GNG4: variants seen among roughly 807,000 people sequenced by gnomAD.
GNG4 encodes guanine nucleotide-binding protein G(I)/G(S)/G(O) subunit gamma-4.
In GNG4, 4 loss-of-function variants were observed where a neutral mutation model predicts 5.8. The ratio of observed to expected loss-of-function variants is 0.69; its 90% CI spans 0.34 to 1.57. GNG4 has a LOEUF of 1.57. Among genes scored for constraint, GNG4 ranks in the 40% most tolerant of loss-of-function variants. The pLI is 0.06. For missense variants in GNG4, 96 were observed against 95.1 expected (o/e 1.01, Z -0.04); for synonymous variants, 29 against 32.9 (o/e 0.88, Z 0.41).
intron 3 of GNG4, among the ~76,000 whole-genome samples, chr1:235,578,392 C>A (rs1687537256): frequency 6.6e-6 from 1 of 152,148 alleles, no homozygotes; most frequent in Non-Finnish European, 1.5e-5. Flanking sequence ...AAAAATAGAA[C>A]TACCATAGGA....
intron 3 of GNG4, among the ~76,000 whole-genome samples, chr1:235,573,514 A>G (rs1262253310): frequency 1.3e-5 from 2 of 152,102 alleles, no homozygotes; most frequent in Non-Finnish European, 2.9e-5. Context: ...GCGGTAGCTC[A>G]CACCTGTAAT....
intron 2 of GNG4, 24 bp from the exon 3 acceptor site, chr1:235,583,872 G>T (rs886357879): frequency 1.4e-6 from 2 of 1,460,798 alleles, no homozygotes; most frequent in South Asian, 1.2e-5. Context: ...AAGTAAAAGG[G>T]TTAGAAGAGC....
chr1:235,650,499 C>T (rs1279199901), upstream of GNG4: 1 of 152,348 alleles, frequency 6.6e-6, no homozygotes, highest in Non-Finnish European at 1.5e-5. Context: ...CCAAGGGACG[C>T]CTCGGAAGCC....
Position 235,552,010 on chromosome 1 carries a change from G to T in GNG4, c.*99C>A. On this transcript the variant is annotated 3_prime_UTR_variant, in exon 4 of 4. Coordinates refer to ENST00000391854, the MANE Select transcript of GNG4 (RefSeq NM_001098722.2). The stretch of plus-strand genomic sequence containing the variant: ...GCCCCGGCCACTGTTGGCTGGGCAG[G>T]GATGGGTGTTGGTCTCACTCCCTAA... 3 of 980,238 alleles carry T rather than the reference G, an allele frequency of 3.1e-6. No individual in the cohort carries two copies. The highest frequency in any genetic ancestry group is 3.2e-6 in the Non-Finnish European group (2 of 634,886). 60.7% of individuals were successfully genotyped at this position (980,238 alleles called of 1,614,324 possible). A position where few individuals can be genotyped will look rare whatever the true frequency, so the allele number is the denominator to read the frequency against.
At chr1:235,587,618 T>G (rs1558486378) in intron 2 of GNG4, among the ~76,000 whole-genome samples, 7 of 420 alleles carry the variant, frequency 0.017, no homozygotes, top group African/African-American at 0.029. Context: ...GGGTGGGGTG[T>G]GTGAATGTGG....
intron 1 of GNG4, among the ~76,000 whole-genome samples, chr1:235,620,515 G>A (rs2102975981): frequency 6.6e-6 from 1 of 151,976 alleles, no homozygotes; most frequent in South Asian, 2.1e-4. Flanking sequence ...TCTGGGTGTT[G>A]AATGTGCAGT....
intron 3 of GNG4, among the ~76,000 whole-genome samples, chr1:235,569,430 C>T (rs1239229845): frequency 6.8e-6 from 1 of 147,466 alleles, no homozygotes; most frequent in Non-Finnish European, 1.5e-5. Flanking sequence ...TGCACTCCAG[C>T]CTGGGTGACA....
intron 1 of GNG4, among the ~76,000 whole-genome samples, chr1:235,606,518 G>C (rs1483920418): frequency 6.6e-6 from 1 of 152,188 alleles, no homozygotes; most frequent in Admixed American, 6.5e-5. Context: ...GGATGCTGGG[G>C]AGGGGGGAAA....
chr1:235,627,710 G>A (rs1688844879), intron 1 of GNG4, among the ~76,000 whole-genome samples: 1 of 152,208 alleles, frequency 6.6e-6, no homozygotes, highest in Admixed American at 6.5e-5. Context: ...CCAGGACACT[G>A]TTGGAAACTG....
chr1:235,587,168 TGA>T (rs757325842), intron 2 of GNG4, among the ~76,000 whole-genome samples: 26 of 138,278 alleles, frequency 1.9e-4, no homozygotes, highest in African/African-American at 2.2e-4. Context: ...GGTGAGCGTG[TGA>T]GAGTGTGTGG....
rs889158072 is a variant in GNG4 at position 235,548,244 on chromosome 1, T to G, written c.*3865A>C. The G allele has an allele frequency of 3.3e-5, 5 of 152,174 alleles. No individual in the cohort carries two copies. The highest frequency in any genetic ancestry group is 4.8e-5 in the African/African-American group (2 of 41,416). The allele number at this position is 152,174 out of a possible 1,614,324, so 9.4% of individuals were successfully genotyped here. A position where few individuals can be genotyped will look rare whatever the true frequency, so the allele number is the denominator to read the frequency against. On this transcript the variant is annotated 3_prime_UTR_variant, in exon 4 of 4. Transcript: ENST00000391854. ...TTTACATCCAACTCAAGCTCTTTCA[T>G]GAAAGAAGAAAGAATGTACTGGATG... is the stretch of plus-strand genomic sequence containing the variant.
At chr1:235,631,226 A>AT (rs1688925656) in intron 1 of GNG4, among the ~76,000 whole-genome samples, 1 of 151,986 alleles carries the variant, frequency 6.6e-6, no homozygotes, top group South Asian at 2.1e-4. Flanking sequence ...CTGATCAAGT[A>AT]TTTTTTCTTT....
At chr1:235,600,352 T>C (rs1476462980) in intron 1 of GNG4, among the ~76,000 whole-genome samples, 1 of 151,948 alleles carries the variant, frequency 6.6e-6, no homozygotes, top group Non-Finnish European at 1.5e-5. Context: ...TGACCTCAAG[T>C]GATCTGCCCA....
chr1:235,579,852 CA>C (rs71576480), intron 3 of GNG4, among the ~76,000 whole-genome samples: 50 of 31,582 alleles, frequency 1.6e-3, no homozygotes, highest in Non-Finnish European at 1.7e-3. Flanking sequence ...CTCCATCTCT[CA>C]AAAAAAAAAA....
At chr1:235,650,585 G>A (rs1657661433), upstream of GNG4, 1 of 152,240 alleles carries the variant, frequency 6.6e-6, no homozygotes, top group Non-Finnish European at 1.5e-5. Context: ...CCACTAACCC[G>A]GCGAAGGCTG....
At chr1:235,562,988 T>C (rs577686929) in intron 3 of GNG4, among the ~76,000 whole-genome samples, 1 of 152,336 alleles carries the variant, frequency 6.6e-6, no homozygotes, top group African/African-American at 2.4e-5. Context: ...TAATCTAAAT[T>C]AGTTTTCCCA....
chr1:235,587,318 T>G, intron 2 of GNG4, among the ~76,000 whole-genome samples: 8 of 46,742 alleles, frequency 1.7e-4, no homozygotes, highest in African/African-American at 8.2e-4. Flanking sequence ...GAGGGGTGTG[T>G]GTGTGTGAGA....
intron 1 of GNG4, among the ~76,000 whole-genome samples, chr1:235,626,934 G>C (rs112125545): frequency 0.035 from 4,633 of 132,304 alleles, 255 homozygotes; most frequent in African/African-American, 0.12. Flanking sequence ...ACTCCAGCCT[G>C]GGTGACAGAG....
At chr1:235,598,655 G>T (rs1317259739) in intron 1 of GNG4, among the ~76,000 whole-genome samples, 1 of 151,730 alleles carries the variant, frequency 6.6e-6, no homozygotes. Flanking sequence ...TGATGCCCAA[G>T]TCAAACCCCA....
Sources: gnomAD v4.1 joint callset for allele counts (sites outside exome capture counted in the v4.1 genomes callset) on GRCh38, gnomAD v4.1.1 for gene constraint, MANE v1.5 for transcripts, NCBI Gene and HGNC (gene_info 2026-07-23, HGNC 2026-07-21) for gene names.